Variants in MSTO1 observed in about 807,000 individuals in gnomAD.
The protein encoded by MSTO1 is misato mitochondrial distribution and morphology regulator 1, also known as protein misato homolog 1.
A neutral mutation model predicts 55.7 loss-of-function variants in MSTO1; 24 were observed. The observed-to-expected ratio is 0.43, with a 90% CI of 0.31 to 0.61. The LOEUF (loss-of-function observed/expected upper bound fraction) is 0.61, where lower values mean the gene tolerates loss of function less well. MSTO1 is among the 20% of genes least tolerant of loss of function. The pLI is 0.09. For synonymous variants in MSTO1, 162 were observed against 252.8 expected, an observed-to-expected ratio of 0.64 and a Z score of 3.41; for missense variants, 363 against 625.7, an observed-to-expected ratio of 0.58 and a Z score of 4.48.
chr1:155,589,308 A>T, the MSTO1 span, among the ~76,000 whole-genome samples: 89 of 152,162 alleles, frequency 5.8e-4, no homozygotes, highest in African/African-American at 2.0e-3. Context: ...AAAAAAAAAA[A>T]AATTTACTCT....
intron 11 of MSTO1, 109 bp from the exon 12 acceptor site, chr1:155,613,353 A>G: frequency 4.5e-6 from 7 of 1,571,006 alleles, no homozygotes; most frequent in Non-Finnish European, 6.0e-6. Flanking sequence ...AAAGGAAAAA[A>G]AAAAGGGCTT....
intron 11 of MSTO1, 29 bp downstream of exon 11, chr1:155,613,262 T>C: frequency 3.1e-6 from 5 of 1,602,558 alleles, no homozygotes; most frequent in Non-Finnish European, 4.3e-6. Flanking sequence ...TAGGAGTCCT[T>C]GTCAGATTTT....
chr1:155,609,929 G>A (rs367863728), upstream of MSTO1: 329 of 405,402 alleles, frequency 8.1e-4, 1 homozygote, highest in African/African-American at 6.2e-3. Flanking sequence ...CAAGTAGGAA[G>A]CAGAGCCTTC....
chr1:155,582,659 C>T, the MSTO1 span, among the ~76,000 whole-genome samples: 161 of 152,084 alleles, frequency 1.1e-3, 3 homozygotes, highest in South Asian at 0.028. Flanking sequence ...CGGGGTTTCA[C>T]CATCTTGGCC....
At chr1:155,598,679 G>A in the MSTO1 span, 9 of 407,598 alleles carry the variant, frequency 2.2e-5, no homozygotes, top group South Asian at 1.3e-4. Flanking sequence ...CCAAGATCAC[G>A]TCACTGCTTT....
the MSTO1 span, among the ~76,000 whole-genome samples, chr1:155,584,069 C>T: frequency 6.6e-6 from 1 of 152,078 alleles, no homozygotes; most frequent in South Asian, 2.1e-4. Context: ...AGTGCTTTGG[C>T]GTCTTCATTA....
chr1:155,564,262 G>A, the MSTO1 span, among the ~76,000 whole-genome samples: 1 of 152,254 alleles, frequency 6.6e-6, no homozygotes, highest in East Asian at 1.9e-4. Flanking sequence ...GGGAGGCCAA[G>A]GTGGGCGGAT....
At chr1:155,587,738 CG>C in the MSTO1 span, among the ~76,000 whole-genome samples, 4 of 137,178 alleles carry the variant, frequency 2.9e-5, no homozygotes, top group Non-Finnish European at 6.2e-5. Flanking sequence ...AGCGAGACTC[CG>C]TCTCAGAAAA....
chr1:155,570,869 T>G, the MSTO1 span, among the ~76,000 whole-genome samples: 47,549 of 151,934 alleles, frequency 0.31, 7,928 homozygotes, highest in East Asian at 0.72. Flanking sequence ...AGGATAAGGG[T>G]GGACTACTGT....
chr1:155,563,798 T>G, the MSTO1 span: 1 of 350,072 alleles, frequency 2.9e-6, no homozygotes, highest in African/African-American at 2.1e-5. Context: ...AGATAATATA[T>G]GTAAAGTGGA....
At chr1:155,609,143 A>C (rs935040287), upstream of MSTO1, among the ~76,000 whole-genome samples, 92 of 149,038 alleles carry the variant, frequency 6.2e-4, no homozygotes, top group African/African-American at 2.1e-3. Context: ...TTGTTTCTAA[A>C]TACACACAAG....
At chr1:155,581,482 T>G in the MSTO1 span, among the ~76,000 whole-genome samples, 1 of 151,012 alleles carries the variant, frequency 6.6e-6, no homozygotes, top group East Asian at 2.0e-4. Context: ...TCAGCCCACT[T>G]CAACCTCCTC....
At chr1:155,575,132 G>T in the MSTO1 span, among the ~76,000 whole-genome samples, 1 of 151,928 alleles carries the variant, frequency 6.6e-6, no homozygotes, top group Non-Finnish European at 1.5e-5. Flanking sequence ...TTCCTAAAGT[G>T]CTGGGATTAC....
At chr1:155,601,795 C>T in the MSTO1 span, among the ~76,000 whole-genome samples, 4 of 152,060 alleles carry the variant, frequency 2.6e-5, no homozygotes, top group Non-Finnish European at 5.9e-5. Flanking sequence ...CACTCTGTCA[C>T]CCAGGCTGGA....
At chr1:155,568,058 T>G in the MSTO1 span, among the ~76,000 whole-genome samples, 1 of 144,404 alleles carries the variant, frequency 6.9e-6, no homozygotes, top group Non-Finnish European at 1.5e-5. Context: ...AAAAATTATT[T>G]ATTTTATTTT....
chr1:155,613,378 C>T (rs1321490344), intron 11 of MSTO1, 84 bp from the exon 12 acceptor site: 20 of 1,592,838 alleles, frequency 1.3e-5, no homozygotes, highest in East Asian at 4.5e-5. Flanking sequence ...TATCTTGATC[C>T]AGCTGATGGC....
chr1:155,579,518 A>G, the MSTO1 span, among the ~76,000 whole-genome samples: 1 of 152,146 alleles, frequency 6.6e-6, no homozygotes, highest in Non-Finnish European at 1.5e-5. Context: ...ACAGTGTAGC[A>G]TATATAGTGG....
chr1:155,612,807 C>A, intron 9 of MSTO1, 37 bp from the exon 10 acceptor site: 2 of 1,611,362 alleles, frequency 1.2e-6, no homozygotes, highest in African/African-American at 1.3e-5. Flanking sequence ...CTTTTCCAGG[C>A]CTGAGGCCAA....
chr1:155,604,989 G>A, the MSTO1 span, among the ~76,000 whole-genome samples: 1 of 152,076 alleles, frequency 6.6e-6, no homozygotes, highest in Non-Finnish European at 1.5e-5. Flanking sequence ...GGCTGGGTGC[G>A]GTGGCTCACG....
Sources: gnomAD v4.1 joint callset for allele counts (sites outside exome capture counted in the v4.1 genomes callset) on GRCh38, gnomAD v4.1.1 for gene constraint, MANE v1.5 for transcripts, NCBI Gene and HGNC (gene_info 2026-07-23, HGNC 2026-07-21) for gene names.